Variants in NRG2 observed in about 807,000 individuals in gnomAD.
NRG2 encodes neuregulin 2, also known as pro-neuregulin-2, membrane-bound isoform.
In NRG2, 27 loss-of-function variants were observed where a neutral mutation model predicts 73.9. The observed-to-expected ratio is 0.37, with a 90% CI of 0.27 to 0.50. NRG2 has a LOEUF of 0.50. Among genes scored for constraint, NRG2 ranks in the 20% least tolerant of loss-of-function variants. NRG2 has a pLI of 0.96. For missense variants in NRG2, 1,126 were observed against 1,210.1 expected, an observed-to-expected ratio of 0.93 and a Z score of 1.03; for synonymous variants, 532 against 541.0, an observed-to-expected ratio of 0.98 and a Z score of 0.23.
intron 1 of NRG2, among the ~76,000 whole-genome samples, chr5:140,024,591 A>G (rs1760527115): frequency 2.0e-5 from 3 of 152,022 alleles, no homozygotes; most frequent in African/African-American, 7.2e-5. Context: ...CAGTTGTCCT[A>G]ATTTGGGAGG....
Position 139,865,154 on chromosome 5 carries a change from C to T in NRG2, c.1189+395G>A, listed in dbSNP as rs1171620596. 1.9e-6 allele frequency: 3 copies of T among 1,613,682 alleles called. No homozygotes were observed. Among genetic ancestry groups the T allele is most frequent in the Non-Finnish European group, 1.7e-6 (2 of 1,179,632 alleles). ...ATTGCGAACTGCTGACACCTGTCCC[C>T]GGTGTATCCCACAGGACACCTACCA... is the stretch of plus-strand genomic sequence containing the variant. On this transcript the variant is annotated intron_variant, in intron 5 of 9. Transcript: ENST00000361474. This position sits in a 1 kb window ranked among gnomAD's most constrained non-coding sequence, Gnocchi z 5.2.
chr5:139,943,082 C>T (rs1753522990), intron 1 of NRG2, among the ~76,000 whole-genome samples: 1 of 152,084 alleles, frequency 6.6e-6, no homozygotes, highest in South Asian at 2.1e-4. Context: ...TTCAGATTAT[C>T]CATCCGTCTC....
At chr5:140,017,998 G>A (rs1759931877) in intron 1 of NRG2, among the ~76,000 whole-genome samples, 1 of 152,064 alleles carries the variant, frequency 6.6e-6, no homozygotes, top group Admixed American at 6.6e-5. Context: ...GGACCGATAA[G>A]TATAAAGGTC....
chr5:139,945,782 G>A (rs1236911985), intron 1 of NRG2, among the ~76,000 whole-genome samples: 3 of 151,902 alleles, frequency 2.0e-5, no homozygotes, highest in Admixed American at 2.0e-4. Context: ...CAGGATATAA[G>A]ATCTACATAA....
chr5:139,947,690 T>C (rs1279137438), intron 1 of NRG2, among the ~76,000 whole-genome samples: 1 of 152,196 alleles, frequency 6.6e-6, no homozygotes, highest in Non-Finnish European at 1.5e-5. Context: ...GGTTCCCATT[T>C]CTCCACATCC....
chr5:139,966,651 T>C (rs1755542283), intron 1 of NRG2, among the ~76,000 whole-genome samples: 1 of 152,046 alleles, frequency 6.6e-6, no homozygotes, highest in Non-Finnish European at 1.5e-5. Context: ...TGAGAGCATA[T>C]GCGACTTAAA....
rs117094972 is a variant in NRG2, at chr5:139,849,042, G to A, written c.1773-345C>T. Among the ~76,000 whole-genome samples the A allele has an allele frequency of 9.9e-5, 15 of 152,240 alleles. No individual in the cohort carries two copies. The East Asian group carries it at 2.3e-3, about 24-fold the overall frequency. ...TTGCTGTGGGAATGCTCACCGTCAG[G>A]GGGTCAGGCTCACGCTGGGGTACAT... On this transcript the variant is annotated intron_variant, in intron 9 of 9. Transcript: ENST00000361474.
chr5:139,995,772 G>A (rs571556283), intron 1 of NRG2, among the ~76,000 whole-genome samples: 7 of 152,148 alleles, frequency 4.6e-5, no homozygotes, highest in Admixed American at 1.3e-4. Flanking sequence ...CCAGTGCTTC[G>A]GGAGGCTGAG....
At chr5:139,908,993 A>C (rs1186606937) in intron 1 of NRG2, among the ~76,000 whole-genome samples, 1 of 152,200 alleles carries the variant, frequency 6.6e-6, no homozygotes, top group East Asian at 1.9e-4. Flanking sequence ...TTGCCATGGG[A>C]ACTCTTTCCT....
intron 1 of NRG2, among the ~76,000 whole-genome samples, chr5:139,972,854 C>T (rs1055907715): frequency 6.6e-6 from 1 of 151,804 alleles, no homozygotes; most frequent in African/African-American, 2.4e-5. Context: ...AGATAAATAC[C>T]TCAACAGAAA....
chr5:139,978,065 A>C (rs1434308102), intron 1 of NRG2, among the ~76,000 whole-genome samples: 6 of 152,234 alleles, frequency 3.9e-5, no homozygotes, highest in Non-Finnish European at 8.8e-5. Context: ...CACCAAAAGC[A>C]ATGGCAACAA....
intron 1 of NRG2, among the ~76,000 whole-genome samples, chr5:139,910,923 C>T (rs1765527486): frequency 6.6e-6 from 1 of 152,004 alleles, no homozygotes; most frequent in Admixed American, 6.5e-5. Flanking sequence ...AGAGGCAGAC[C>T]CATCCCAGGA....
chr5:140,005,258 C>G (rs1206893220), intron 1 of NRG2, among the ~76,000 whole-genome samples: 16 of 152,206 alleles, frequency 1.1e-4, no homozygotes. Flanking sequence ...GATAATAGGT[C>G]TGACATTGCC....
intron 1 of NRG2, among the ~76,000 whole-genome samples, chr5:139,984,470 C>T (rs899567985): frequency 7.9e-5 from 12 of 152,052 alleles, no homozygotes; most frequent in African/African-American, 1.9e-4. Context: ...GGAAAATTTC[C>T]GAGACTTTAT....
At chr5:139,897,883 G>A (rs939401372) in intron 1 of NRG2, among the ~76,000 whole-genome samples, 7 of 152,186 alleles carry the variant, frequency 4.6e-5, no homozygotes, top group Non-Finnish European at 1.0e-4. Flanking sequence ...GCCTACCATT[G>A]CCCAACCATT....
intron 5 of NRG2, 29 bp from the exon 6 acceptor site, chr5:139,855,807 G>T (rs1165741378): frequency 1.0e-5 from 16 of 1,557,526 alleles, no homozygotes; most frequent in African/African-American, 1.4e-5. Flanking sequence ...TGTGAGGGGT[G>T]GGGCAGGAGG....
intron 1 of NRG2, among the ~76,000 whole-genome samples, chr5:139,907,114 G>A (rs1464895405): frequency 6.6e-6 from 1 of 152,186 alleles, no homozygotes; most frequent in Non-Finnish European, 1.5e-5. Context: ...TCTAAGGTGT[G>A]TGTGTGTACA....
At chr5:139,953,044 AAG>A (rs1426381535) in intron 1 of NRG2, among the ~76,000 whole-genome samples, 1 of 152,142 alleles carries the variant, frequency 6.6e-6, no homozygotes, top group African/African-American at 2.4e-5. Flanking sequence ...GGCCTCAATA[AAG>A]AGAGAAGAAG....
At chr5:139,965,639 C>G (rs1457472844) in intron 1 of NRG2, among the ~76,000 whole-genome samples, 1 of 152,254 alleles carries the variant, frequency 6.6e-6, no homozygotes, top group African/African-American at 2.4e-5. Flanking sequence ...TCCTGGCCCT[C>G]CTGAAGGCCT....
Sources: allele counts gnomAD v4.1 joint callset (sites outside exome capture counted in the v4.1 genomes callset), GRCh38; gene constraint gnomAD v4.1.1; non-coding constraint Gnocchi (gnomAD v3.1); transcripts MANE v1.5; gene names NCBI Gene and HGNC (gene_info 2026-07-23, HGNC 2026-07-21).